Variants in DPP6 observed in about 807,000 individuals in gnomAD.
The protein encoded by DPP6 is dipeptidyl peptidase like 6, also known as A-type potassium channel modulatory protein DPP6.
A neutral mutation model predicts 122.6 loss-of-function variants in DPP6; 69 were observed. That is an observed-to-expected ratio of 0.56 (90% CI 0.46 to 0.69). The LOEUF (loss-of-function observed/expected upper bound fraction) is 0.69. Ranked by LOEUF, DPP6 falls within the 30% of genes least tolerant of loss-of-function variation. The pLI, the probability that DPP6 is intolerant of heterozygous loss-of-function variation, is 0.00. For synonymous variants in DPP6, 418 were observed against 433.1 expected (o/e 0.97, Z 0.43); for missense variants, 928 against 1,116.9 (o/e 0.83, Z 2.41).
chr7:153,887,872 C>T (rs1182904379), intron 1 of DPP6: 5 of 930,964 alleles, frequency 5.4e-6, no homozygotes, highest in East Asian at 2.8e-5. Flanking sequence ...CGGCGCTTCT[C>T]CCACTTCCCA....
At chr7:154,058,490 A>G (rs1263560135) in intron 1 of DPP6, 3 of 105,958 alleles carry the variant, frequency 2.8e-5, no homozygotes, top group Admixed American at 9.9e-5. Flanking sequence ...GGGGGGAGGC[A>G]CCCTCCGCGA....
intron 2 of DPP6, among the ~76,000 whole-genome samples, chr7:154,463,113 C>G (rs1266519894): frequency 2.0e-5 from 3 of 151,672 alleles, no homozygotes; most frequent in Admixed American, 2.0e-4. Context: ...CCCCAAGAGC[C>G]CACTTAGTAC....
chr7:154,509,722 C>G (rs533764041), intron 3 of DPP6, among the ~76,000 whole-genome samples: 2 of 152,200 alleles, frequency 1.3e-5, no homozygotes, highest in South Asian at 2.1e-4. Context: ...GCAAACAACC[C>G]AAATGTACAT....
At chr7:154,836,246 G>A (rs1243002487) in intron 16 of DPP6, among the ~76,000 whole-genome samples, 1 of 152,222 alleles carries the variant, frequency 6.6e-6, no homozygotes, top group Non-Finnish European at 1.5e-5. Context: ...TTGCATGGAG[G>A]GGAGGCCCCT....
chr7:154,807,685 G>A (rs1798786782), intron 16 of DPP6, among the ~76,000 whole-genome samples: 1 of 152,072 alleles, frequency 6.6e-6, no homozygotes, highest in African/African-American at 2.4e-5. Context: ...AGCCGGGCCT[G>A]GTGGTGAATG....
chr7:154,009,543 G>T (rs1454536409), intron 1 of DPP6, among the ~76,000 whole-genome samples: 1 of 151,866 alleles, frequency 6.6e-6, no homozygotes, highest in East Asian at 1.9e-4. Context: ...TCCTGCTAAT[G>T]AGATGGAAAG....
rs377623685 is a variant in DPP6 at position 154,488,495 on chromosome 7, C to T, written c.457+13458C>T. ...AGACACACCCTTGTAATAAGAAACG[C>T]ACATCTGATTCTATTTTCTTGCTTT... On this transcript the variant is annotated intron_variant, in intron 3 of 25. Transcript: ENST00000377770. 3.3e-5 allele frequency among the ~76,000 whole-genome samples: 5 copies of T among 151,634 alleles called. No homozygotes were observed. The East Asian group carries it at 5.8e-4, about 18-fold the overall frequency.
At chr7:154,188,109 C>T (rs11976255) in intron 1 of DPP6, among the ~76,000 whole-genome samples, 33,508 of 151,812 alleles carry the variant, frequency 0.22, 4,190 homozygotes, top group East Asian at 0.36. Context: ...CTTCTGGTCA[C>T]GCGTAAAGAC....
At chr7:154,454,461 C>T (rs1820653459) in intron 2 of DPP6, among the ~76,000 whole-genome samples, 1 of 152,186 alleles carries the variant, frequency 6.6e-6, no homozygotes, top group South Asian at 2.1e-4. Flanking sequence ...GAACAGGATA[C>T]ATTCCTGGAA....
At chr7:153,816,737 C>G in the DPP6 span, among the ~76,000 whole-genome samples, 1 of 152,022 alleles carries the variant, frequency 6.6e-6, no homozygotes, top group African/African-American at 2.4e-5. Context: ...GCTCAGAGCA[C>G]AGGTGAGACC....
chr7:154,186,540 C>T (rs1447485971), intron 1 of DPP6, among the ~76,000 whole-genome samples: 2 of 152,236 alleles, frequency 1.3e-5, no homozygotes, highest in African/African-American at 2.4e-5. Context: ...GATGTTCCTG[C>T]AGACGCACAA....
intron 12 of DPP6, among the ~76,000 whole-genome samples, chr7:154,800,268 T>C (rs969055002): frequency 6.6e-6 from 1 of 152,180 alleles, no homozygotes; most frequent in Non-Finnish European, 1.5e-5. Context: ...TTTAATCACA[T>C]GTTAGTTTAT....
At chr7:154,789,455 C>T (rs1369038237) in intron 10 of DPP6, among the ~76,000 whole-genome samples, 2 of 152,234 alleles carry the variant, frequency 1.3e-5, no homozygotes, top group Non-Finnish European at 2.9e-5. Flanking sequence ...GCCCTGTTCC[C>T]TACAGGGAAG....
intron 1 of DPP6, among the ~76,000 whole-genome samples, chr7:154,080,306 A>G (rs1351871847): frequency 1.3e-5 from 2 of 152,116 alleles, no homozygotes; most frequent in African/African-American, 4.8e-5. Context: ...CTTAATCAGC[A>G]TCCAAGATCA....
rs544234207 is a variant in DPP6, at chr7:154,180,666, C to T, written c.243+127603C>T. Reference sequence around the variant, plus strand: ...TATCCCGTTTTTTTACTAATGTGGGCGATGAAACTTCAAATGACTTGGGAA... The same window carrying T: ...TATCCCGTTTTTTTACTAATGTGGGTGATGAAACTTCAAATGACTTGGGAA... On this transcript the variant is annotated intron_variant, in intron 1 of 25. Coordinates refer to ENST00000377770, the MANE Select transcript of DPP6 (RefSeq NM_130797.4). Among the ~76,000 whole-genome samples the T allele has an allele frequency of 2.2e-3, 330 of 151,364 alleles. 1 individual carries two copies. Among genetic ancestry groups the T allele is most frequent in the African/African-American group, 7.8e-3 (321 of 41,290 alleles).
chr7:153,998,929 T>C (rs968513182), intron 1 of DPP6, among the ~76,000 whole-genome samples: 1 of 152,258 alleles, frequency 6.6e-6, no homozygotes, highest in Non-Finnish European at 1.5e-5. Flanking sequence ...CATCATCTTT[T>C]GTTCATTAAC....
At chr7:153,997,921 TGAG>T (rs1271758303) in intron 1 of DPP6, among the ~76,000 whole-genome samples, 2 of 151,338 alleles carry the variant, frequency 1.3e-5, no homozygotes, top group African/African-American at 4.9e-5. Context: ...CAAAGAGTGA[TGAG>T]GAGTGTTGAT....
chr7:154,281,944 G>T (rs983995810), intron 1 of DPP6, among the ~76,000 whole-genome samples: 1 of 152,166 alleles, frequency 6.6e-6, no homozygotes, highest in African/African-American at 2.4e-5. Context: ...GGAAGAAGAT[G>T]ATATGGTATG....
At chr7:154,647,833 G>A (rs1836590357) in intron 6 of DPP6, among the ~76,000 whole-genome samples, 2 of 152,166 alleles carry the variant, frequency 1.3e-5, no homozygotes, top group African/African-American at 2.4e-5. Context: ...GAGAGCTGTT[G>A]ACATCCTGGA....
Sources: allele counts gnomAD v4.1 joint callset (sites outside exome capture counted in the v4.1 genomes callset), GRCh38; gene constraint gnomAD v4.1.1; transcripts MANE v1.5; gene names NCBI Gene and HGNC (gene_info 2026-07-23, HGNC 2026-07-21).